DAGLA: variants seen among roughly 807,000 people sequenced by gnomAD.
DAGLA encodes diacylglycerol lipase-alpha.
A neutral mutation model predicts 102.6 loss-of-function variants in DAGLA; 22 were observed. That is an observed-to-expected ratio of 0.21 (90% CI 0.15 to 0.31). DAGLA has a LOEUF of 0.31. Ranked by LOEUF, DAGLA falls within the 10% of genes least tolerant of loss-of-function variation. The pLI is 1.00. For missense variants in DAGLA, 927 were observed against 1,446.6 expected, an observed-to-expected ratio of 0.64 and a Z score of 5.83; for synonymous variants, 578 against 628.9, an observed-to-expected ratio of 0.92 and a Z score of 1.21.
chr11:61,733,978 A>G (rs1273647440), intron 9 of DAGLA, among the ~76,000 whole-genome samples: 1 of 152,146 alleles, frequency 6.6e-6, no homozygotes, highest in African/African-American at 2.4e-5. Context: ...GCTGCTGAAC[A>G]CGCTGGCAGC....
Position 61,722,957 on chromosome 11 carries a change from C to T in DAGLA, c.406C>T (p.Leu136Phe). The T allele has an allele frequency of 3.7e-6, 6 of 1,613,114 alleles. No homozygotes were observed. Among genetic ancestry groups the T allele is most frequent in the Non-Finnish European group, 5.1e-6 (6 of 1,179,118 alleles). ...CNDLTAKNVTLGMVVCNWVVI... is the reference protein window; with the variant it reads ...CNDLTAKNVTFGMVVCNWVVI... Reference sequence around the variant, plus strand: ...CGACCTCACTGCCAAGAATGTCACCCTCGGTACGTCTGGGTGAGGCCTGCT... The same window carrying T: ...CGACCTCACTGCCAAGAATGTCACCTTCGGTACGTCTGGGTGAGGCCTGCT... The change falls in exon 4 of 20, where the codon CTC becomes TTC. Residue 136 changes from leucine (L) to phenylalanine (F), a missense_variant. Physicochemically the swap from Leu to Phe is conservative, Grantham distance 22. Coordinates refer to ENST00000257215, the MANE Select transcript of DAGLA (RefSeq NM_006133.3).
intron 1 of DAGLA, among the ~76,000 whole-genome samples, chr11:61,701,368 C>T (rs2135560515): frequency 6.6e-6 from 1 of 152,342 alleles, no homozygotes; most frequent in Middle Eastern, 3.4e-3. Context: ...AGGCCCAGCC[C>T]TACTGCATGC....
intron 12 of DAGLA, 65 bp downstream of exon 12, chr11:61,735,881 G>A (rs905268919): frequency 1.9e-5 from 28 of 1,439,998 alleles, no homozygotes; most frequent in South Asian, 7.4e-5. Context: ...GTGCAGAGGC[G>A]TGTATGGTTG....
At position 61,737,733 on chromosome 11, in the gene DAGLA, C is replaced by G; in HGVS notation, c.1561C>G (p.Leu521Val). 1 of 1,614,112 alleles carries G rather than the reference C, an allele frequency of 6.2e-7. No individual in the cohort carries two copies. Among genetic ancestry groups the G allele is most frequent in the Non-Finnish European group, 8.5e-7 (1 of 1,179,986 alleles). The change falls in exon 15 of 20, where the codon CTG (leucine) becomes GTG (valine). Residue 521 changes from leucine (L) to valine (V), a missense_variant. This residue lies in a region of DAGLA where 218 missense variants were observed against 459.6 expected (regional missense o/e 0.47). Transcript: ENST00000257215. Reference protein sequence around the residue: ...YSKEFVTAVVLGKDLVPRIGL... With the variant: ...YSKEFVTAVVVGKDLVPRIGL... ...CAAGGAGTTCGTGACTGCTGTGGTT[C>G]TGGGCAAAGACCTCGTCCCCAGGTG...
At chr11:61,698,439 A>G (rs1039524100) in intron 1 of DAGLA, among the ~76,000 whole-genome samples, 2 of 151,144 alleles carry the variant, frequency 1.3e-5, no homozygotes, top group Non-Finnish European at 2.9e-5. Context: ...TCCTTTGCTC[A>G]CCCCCCTGCT....
intron 1 of DAGLA, among the ~76,000 whole-genome samples, chr11:61,682,822 C>T (rs926220767): frequency 6.5e-5 from 6 of 91,692 alleles, no homozygotes; most frequent in Non-Finnish European, 1.0e-4. Flanking sequence ...GATGGTTCTG[C>T]GGGAGGTTGA....
Position 61,737,288 on chromosome 11 carries a change from A to T in DAGLA, c.1478A>T (p.Lys493Met), listed in dbSNP as rs1314362606. 6.2e-7 allele frequency: 1 copy of T among 1,612,498 alleles called. No individual in the cohort carries two copies. The highest frequency in any genetic ancestry group is 2.2e-5 in the East Asian group (1 of 44,896). The change falls in exon 14 of 20, where the codon AAG becomes ATG. Residue 493 changes from lysine to methionine, a missense_variant. By Grantham distance (95) the Lys-to-Met change is moderately conservative. Coordinates refer to ENST00000257215, the MANE Select transcript of DAGLA (RefSeq NM_006133.3). Reference protein sequence around the residue: ...FLLRPQYPTLKCFAYSPPGGL... With the variant: ...FLLRPQYPTLMCFAYSPPGGL... The stretch of plus-strand genomic sequence containing the variant: ...CTGCGCCCACAGTATCCGACCCTCA[A>T]GTGCTTTGCCTACTCCCCGCCAGGG...
At chr11:61,729,209 C>T (rs1353673716) in intron 8 of DAGLA, among the ~76,000 whole-genome samples, 1 of 152,232 alleles carries the variant, frequency 6.6e-6, no homozygotes, top group Non-Finnish European at 1.5e-5. Flanking sequence ...GTTCGACAGA[C>T]AAATCCCCTG....
intron 1 of DAGLA, among the ~76,000 whole-genome samples, chr11:61,716,341 G>C (rs1400837564): frequency 6.6e-6 from 1 of 152,164 alleles, no homozygotes; most frequent in Non-Finnish European, 1.5e-5. Flanking sequence ...AGAGTGGGTT[G>C]CATGAGGGCT....
At chr11:61,742,892 A>G (rs1255618980) in intron 19 of DAGLA, among the ~76,000 whole-genome samples, 2 of 151,272 alleles carry the variant, frequency 1.3e-5, no homozygotes, top group African/African-American at 2.4e-5. Flanking sequence ...CAGCCAGTCT[A>G]TCAGAGCCTC....
At chr11:61,718,877 A>C (rs984990833) in intron 1 of DAGLA, among the ~76,000 whole-genome samples, 1 of 152,150 alleles carries the variant, frequency 6.6e-6, no homozygotes, top group East Asian at 1.9e-4. Flanking sequence ...CCTGGGGGCT[A>C]TGCCCACTGG....
rs1641210045 is a variant in DAGLA at position 61,686,030 on chromosome 11, G to A, written c.-45+5526G>A. On this transcript the variant is annotated intron_variant, in intron 1 of 19. Transcript: ENST00000257215. The surrounding 1 kb of genome is among the most constrained non-coding windows in gnomAD (Gnocchi z 5.2). The stretch of plus-strand genomic sequence containing the variant: ...TGTTCTGAGCAAGGGTTTGGAGGCT[G>A]GTGCCACCCACCAGGAAGAGTGGTA... 6.6e-6 allele frequency among the ~76,000 whole-genome samples: 1 copy of A among 152,154 alleles called. No homozygotes were observed. The highest frequency in any genetic ancestry group is 1.5e-5 in the Non-Finnish European group (1 of 68,016).
In DAGLA at chr11:61,720,762, G is replaced by A. The variant is rs758107539; in HGVS notation, c.179G>A (p.Arg60His). ...ACSLNLVDHG[R>H]GYLGILLSCM... Reference sequence around the variant, plus strand: ...TCCCTGAACCTGGTGGACCACGGCCGCGGCTACCTGGGCATCCTGCTGAGC... The same window carrying A: ...TCCCTGAACCTGGTGGACCACGGCCACGGCTACCTGGGCATCCTGCTGAGC... The change falls in exon 3 of 20, where the codon CGC becomes CAC. Residue 60 changes from arginine (R) to histidine (H), a missense_variant. Arg to His is a conservative substitution (Grantham distance 29). This residue lies in a region of DAGLA where 231 missense variants were observed against 439.8 expected (regional missense o/e 0.53). Transcript: ENST00000257215. 9.9e-6 allele frequency: 16 copies of A among 1,613,840 alleles called. No individual in the cohort carries two copies. The highest frequency in any genetic ancestry group is 1.4e-5 in the Non-Finnish European group (16 of 1,180,042).
chr11:61,737,590 T>C, intron 14 of DAGLA, 97 bp from the exon 15 acceptor site: 2 of 1,237,454 alleles, frequency 1.6e-6, no homozygotes, highest in South Asian at 2.5e-5. Context: ...ATCCCAGGAG[T>C]GCAGGAGCAG....
rs969952974 is a variant in DAGLA at position 61,746,437 on chromosome 11, G to A, written c.*1948G>A. 2 of 152,556 alleles carry A rather than the reference G, an allele frequency of 1.3e-5. No individual in the cohort carries two copies. The highest frequency in any genetic ancestry group is 1.9e-4 in the East Asian group (1 of 5,270). 9.5% of individuals were successfully genotyped at this position (152,556 alleles called of 1,614,324 possible). On this transcript the variant is annotated 3_prime_UTR_variant, in exon 20 of 20. Coordinates refer to ENST00000257215, the MANE Select transcript of DAGLA (RefSeq NM_006133.3). ...TTTTAATTCCTCCTCTGCCAGGGTG[G>A]GTCCTGGGACCTCTAATGTGGGCAT... is the stretch of plus-strand genomic sequence containing the variant.
intron 14 of DAGLA, among the ~76,000 whole-genome samples, 157 bp from the exon 15 acceptor site, chr11:61,737,528 CAG>C (rs542919509): frequency 7.1e-4 from 108 of 152,268 alleles, no homozygotes; most frequent in African/African-American, 2.6e-3. Flanking sequence ...GTGGGAAAGA[CAG>C]AGCAGGGAGC....
chr11:61,691,579 C>T (rs1222635952), intron 1 of DAGLA, among the ~76,000 whole-genome samples: 2 of 152,222 alleles, frequency 1.3e-5, no homozygotes, highest in East Asian at 3.8e-4. Flanking sequence ...GCTCTGTGCC[C>T]GCAGACAGAG....
intron 1 of DAGLA, 36 bp from the exon 2 acceptor site, chr11:61,720,076 C>A: frequency 6.7e-7 from 1 of 1,489,542 alleles, no homozygotes. Context: ...GCCTTCACCT[C>A]CTCAGGCAGC....
chr11:61,685,922 G>T (rs2064982784), intron 1 of DAGLA, among the ~76,000 whole-genome samples: 1 of 152,150 alleles, frequency 6.6e-6, no homozygotes. Context: ...GGAAAAATGA[G>T]CTGGAGCTGG....
Sources: allele counts gnomAD v4.1 joint callset (sites outside exome capture counted in the v4.1 genomes callset), GRCh38; gene constraint gnomAD v4.1.1; regional missense constraint gnomAD v4.1.1; non-coding constraint Gnocchi (gnomAD v3.1); transcripts MANE v1.5; gene names NCBI Gene and HGNC (gene_info 2026-07-23, HGNC 2026-07-21).